Variants in NMT2 observed in about 807,000 individuals in gnomAD.
NMT2 encodes the protein glycylpeptide N-tetradecanoyltransferase 2.
A neutral mutation model predicts 65.4 loss-of-function variants in NMT2; 35 were observed. The observed-to-expected ratio is 0.54, with a 90% confidence interval of 0.41 to 0.71. The LOEUF (loss-of-function observed/expected upper bound fraction) is 0.71, where lower values mean the gene tolerates loss of function less well. Among genes scored for constraint, NMT2 ranks in the 30% least tolerant of loss-of-function variants. The pLI is 0.00. For missense variants in NMT2, 489 were observed against 611.3 expected (o/e 0.80, Z 2.11); for synonymous variants, 226 against 231.8 (o/e 0.98, Z 0.23).
chr10:15,131,821 A>G (rs1465802332), intron 6 of NMT2, among the ~76,000 whole-genome samples: 2 of 152,278 alleles, frequency 1.3e-5, no homozygotes, highest in African/African-American at 2.4e-5. Flanking sequence ...TAAAAGTGCA[A>G]TGTATCCTAT....
In NMT2 at chr10:15,137,250, G is replaced by A. The variant is rs149361592; in HGVS notation, c.247-1832C>T. Among the ~76,000 whole-genome samples the A allele has an allele frequency of 2.9e-3, 436 of 152,190 alleles. 3 individuals are homozygous for A. The highest frequency in any genetic ancestry group is 9.8e-3 in the African/African-American group (405 of 41,532). The stretch of plus-strand genomic sequence containing the variant: ...ACACTGTCAAGAACCCTAAGGAAAC[G>A]AAGTTCTGAAGTCCAGCTGGAGGCA... On this transcript the variant is annotated intron_variant, in intron 2 of 11. Transcript: ENST00000378165.
chr10:15,123,616 C>G (rs10752352), intron 8 of NMT2, among the ~76,000 whole-genome samples: 61,885 of 150,628 alleles, frequency 0.41, 17,141 homozygotes, highest in African/African-American at 0.8. Context: ...TCAGAAAGAA[C>G]CAGGAAGGCT....
intron 1 of NMT2, among the ~76,000 whole-genome samples, chr10:15,163,532 C>A (rs929543543): frequency 2.6e-5 from 4 of 152,142 alleles, no homozygotes; most frequent in African/African-American, 7.2e-5. Context: ...CAAAGACTGT[C>A]GTTAATCTAT....
At chr10:15,112,172 C>CTTTATATA (rs1564557029) in intron 10 of NMT2, among the ~76,000 whole-genome samples, 1 of 49,994 alleles carries the variant, frequency 2.0e-5, no homozygotes, top group Non-Finnish European at 3.5e-5. Context: ...AAGATATGGG[C>CTTTATATA]TTTATATATA....
rs747759484 is a variant in NMT2, at chr10:15,106,564, T to C, written c.*2631A>G. On this transcript the variant is annotated 3_prime_UTR_variant, in exon 12 of 12. Transcript: ENST00000378165. The stretch of plus-strand genomic sequence containing the variant: ...TCTCCAAGAGAGGTCCTATATTATG[T>C]ACTACTGTGGGGCCCAGTCGCCCTC... 1.1e-5 allele frequency: 8 copies of C among 746,218 alleles called. No homozygotes were observed. Among genetic ancestry groups the C allele is most frequent in the Non-Finnish European group, 1.3e-5 (8 of 611,468 alleles). The allele number at this position is 746,218 out of a possible 1,614,324, so 46.2% of individuals were successfully genotyped here.
intron 9 of NMT2, among the ~76,000 whole-genome samples, chr10:15,117,061 G>A: frequency 6.6e-6 from 1 of 152,096 alleles, no homozygotes; most frequent in East Asian, 1.9e-4. Flanking sequence ...CCTATTATGA[G>A]ACCAGTATTA....
chr10:15,168,592 A>G lies in NMT2; in HGVS notation c.21T>C (p.Ser7=), dbSNP rs1331005829. The change falls in exon 1 of 12, where the codon TCT becomes TCC. Residue 7 remains serine (S), a synonymous_variant. Transcript: ENST00000378165. ...GTTCCAGGCTCTGCTGGCTGGCCGC[A>G]GACTCGCTGTCCTCCGCCATCGCGG... The part of the protein sequence containing the change: MAEDSE[S]AASQQSLELD... 1.2e-5 allele frequency: 19 copies of G among 1,585,424 alleles called. No individual in the cohort carries two copies. The highest frequency in any genetic ancestry group is 3.4e-5 in the Admixed American group (2 of 58,348).
chr10:15,141,149 T>C, intron 2 of NMT2: 1 of 953,920 alleles, frequency 1.0e-6, no homozygotes, highest in Non-Finnish European at 1.6e-6. Context: ...ACTGAGACTT[T>C]CTTCTAGAAC....
At chr10:15,141,003 T>C (rs1846735509) in intron 2 of NMT2, 1 of 1,550,992 alleles carries the variant, frequency 6.4e-7, no homozygotes, top group Non-Finnish European at 8.7e-7. Context: ...CTGCTCCCGC[T>C]GAAATCTGCT....
At chr10:15,132,062 G>A (rs932538992) in intron 6 of NMT2, among the ~76,000 whole-genome samples, 4 of 151,696 alleles carry the variant, frequency 2.6e-5, no homozygotes, top group East Asian at 1.9e-4. Context: ...ATGGGGTTTC[G>A]CCATGTTGGC....
At chr10:15,150,226 G>A (rs1481454163) in intron 1 of NMT2, among the ~76,000 whole-genome samples, 1 of 152,210 alleles carries the variant, frequency 6.6e-6, no homozygotes, top group Non-Finnish European at 1.5e-5. Flanking sequence ...TTATCAGGGT[G>A]TACTGGCCAA....
At chr10:15,118,606 C>T (rs1031230639) in intron 9 of NMT2, among the ~76,000 whole-genome samples, 1 of 149,516 alleles carries the variant, frequency 6.7e-6, no homozygotes, top group African/African-American at 2.5e-5. Context: ...AAAAAACAGG[C>T]AAGTGATGTA....
At chr10:15,127,546 C>CAAAA (rs1239422956) in intron 8 of NMT2, among the ~76,000 whole-genome samples, 572 of 50,148 alleles carry the variant, frequency 0.011, no homozygotes, top group Non-Finnish European at 0.019. Flanking sequence ...GACTCCGTCT[C>CAAAA]AAAAAAAAAA....
At chr10:15,166,482 G>C (rs1196625003) in intron 1 of NMT2, among the ~76,000 whole-genome samples, 1 of 152,172 alleles carries the variant, frequency 6.6e-6, no homozygotes, top group African/African-American at 2.4e-5. Flanking sequence ...GATATCATCA[G>C]TACATGAGCC....
Position 15,133,220 on chromosome 10 carries a change from ATTTAAGAGGT to A in NMT2, c.510+15_510+24del. Reference sequence around the variant, plus strand: ...AGCAATGTGTGAATGCAGGAGTTGAATTTAAGAGGTTTTTACTCACTCACCACTTCGGCAT... The same window carrying A: ...AGCAATGTGTGAATGCAGGAGTTGAATTTTACTCACTCACCACTTCGGCAT... On this transcript the variant is annotated intron_variant, in intron 4 of 11. Transcript: ENST00000378165. 6.2e-7 allele frequency: 1 copy of A among 1,604,422 alleles called. No individual in the cohort carries two copies. Among genetic ancestry groups the A allele is most frequent in the Non-Finnish European group, 8.5e-7 (1 of 1,171,196 alleles).
At chr10:15,137,151 G>A (rs1055210170) in intron 2 of NMT2, among the ~76,000 whole-genome samples, 15 of 152,084 alleles carry the variant, frequency 9.9e-5, no homozygotes, top group African/African-American at 3.4e-4. Context: ...TGAAATCTGT[G>A]GTGTGGAGCA....
At chr10:15,166,278 C>T (rs942998004) in intron 1 of NMT2, among the ~76,000 whole-genome samples, 1 of 152,146 alleles carries the variant, frequency 6.6e-6, no homozygotes, top group Non-Finnish European at 1.5e-5. Context: ...CTGCACTGGC[C>T]GCTGCCTGGT....
chr10:15,136,392 G>T (rs2131559133), intron 2 of NMT2, among the ~76,000 whole-genome samples: 1 of 141,612 alleles, frequency 7.1e-6, no homozygotes, highest in East Asian at 2.2e-4. Flanking sequence ...AAGGAAGGAA[G>T]GTAGGGGGGA....
At chr10:15,125,810 C>T (rs1846055195) in intron 8 of NMT2, among the ~76,000 whole-genome samples, 1 of 152,008 alleles carries the variant, frequency 6.6e-6, no homozygotes, top group Non-Finnish European at 1.5e-5. Context: ...GGGACTACAG[C>T]CATGTGCCAC....
Sources: allele counts gnomAD v4.1 joint callset (sites outside exome capture counted in the v4.1 genomes callset), GRCh38; gene constraint gnomAD v4.1.1; transcripts MANE v1.5; gene names NCBI Gene and HGNC (gene_info 2026-07-23, HGNC 2026-07-21).